Variants in PKHD1 observed in about 807,000 individuals in gnomAD.
The protein encoded by PKHD1 is fibrocystin.
In PKHD1, 291 loss-of-function variants were observed where a neutral mutation model predicts 412.0. The observed-to-expected ratio is 0.71, with a 90% CI of 0.64 to 0.78. The LOEUF (loss-of-function observed/expected upper bound fraction) is 0.78, where lower values mean the gene tolerates loss of function less well. PKHD1 is among the 30% of genes least tolerant of loss of function. PKHD1 has a pLI of 0.00. For synonymous variants in PKHD1, 1,777 were observed against 1,821.5 expected (o/e 0.98, Z 0.62); for missense variants, 4,825 against 4,950.7 (o/e 0.97, Z 0.76).
intron 52 of PKHD1, among the ~76,000 whole-genome samples, chr6:51,801,654 T>TGTGTGTGTGTGTGTGTGTGAGTGAGA (rs751203950): frequency 8.8e-6 from 1 of 114,210 alleles, no homozygotes; most frequent in African/African-American, 3.8e-5. Context: ...TGTGTGTGTG[T>TGTGTGTGTGTGTGTGTGTGAGTGAGA]GAGAGAGAGA....
At chr6:51,831,966 T>C (rs1314968929) in intron 51 of PKHD1, among the ~76,000 whole-genome samples, 1 of 152,034 alleles carries the variant, frequency 6.6e-6, no homozygotes, top group Non-Finnish European at 1.5e-5. Flanking sequence ...GGAAGAGAGA[T>C]TGTCTCAAAA....
intron 60 of PKHD1, among the ~76,000 whole-genome samples, chr6:51,665,158 C>T (rs182377459): frequency 9.2e-5 from 14 of 151,850 alleles, no homozygotes; most frequent in East Asian, 1.9e-4. Flanking sequence ...GGAAAAATAC[C>T]GTACAAAAAA....
intron 60 of PKHD1, among the ~76,000 whole-genome samples, chr6:51,688,094 G>C (rs1349794205): frequency 6.6e-6 from 1 of 152,228 alleles, no homozygotes; most frequent in African/African-American, 2.4e-5. Context: ...GCAGTAGGCT[G>C]CTAGAATTTG....
At chr6:51,641,719 A>C (rs1334594249) in intron 63 of PKHD1, among the ~76,000 whole-genome samples, 1 of 152,240 alleles carries the variant, frequency 6.6e-6, no homozygotes, top group African/African-American at 2.4e-5. Context: ...GCCATAAAAA[A>C]GAATTAGTTA....
intron 43 of PKHD1, among the ~76,000 whole-genome samples, chr6:51,897,280 T>A (rs1175392141): frequency 6.6e-6 from 1 of 151,540 alleles, no homozygotes. Flanking sequence ...CGGGTTACCC[T>A]CAAAGGGAAG....
intron 21 of PKHD1, among the ~76,000 whole-genome samples, chr6:52,052,794 A>T (rs1051094508): frequency 6.6e-6 from 1 of 152,204 alleles, no homozygotes; most frequent in African/African-American, 2.4e-5. Flanking sequence ...CATTTTACAG[A>T]TGAAGAAACC....
chr6:51,813,954 A>C (rs1361764190), intron 52 of PKHD1, among the ~76,000 whole-genome samples: 1 of 152,058 alleles, frequency 6.6e-6, no homozygotes, highest in African/African-American at 2.4e-5. Flanking sequence ...TTTGGAGGGA[A>C]AAAAAAAGTC....
chr6:51,966,692 G>A (rs1583605457), intron 35 of PKHD1, among the ~76,000 whole-genome samples: 1 of 152,220 alleles, frequency 6.6e-6, no homozygotes, highest in East Asian at 1.9e-4. Flanking sequence ...TTCAACAAAT[G>A]TTTATTGAGC....
chr6:51,820,166 G>A (rs2151447966), intron 52 of PKHD1, among the ~76,000 whole-genome samples: 1 of 138,052 alleles, frequency 7.2e-6, no homozygotes, highest in African/African-American at 2.6e-5. Flanking sequence ...ATATGATTTA[G>A]ATTCCCATAG....
intron 35 of PKHD1, among the ~76,000 whole-genome samples, chr6:51,965,903 G>A (rs540660812): frequency 2.0e-5 from 3 of 152,040 alleles, no homozygotes; most frequent in East Asian, 1.9e-4. Context: ...TTCTTTTATC[G>A]TTTCCTCTAT....
intron 60 of PKHD1, among the ~76,000 whole-genome samples, chr6:51,696,725 A>C (rs1778843258): frequency 6.6e-6 from 1 of 152,142 alleles, no homozygotes; most frequent in Non-Finnish European, 1.5e-5. Context: ...GGCCCTAGAG[A>C]ACTGTGCGTG....
intron 48 of PKHD1, 60 bp downstream of exon 48, chr6:51,867,803 A>G (rs1775318403): frequency 6.7e-7 from 1 of 1,494,600 alleles, no homozygotes. Context: ...AAGCCTCGAC[A>G]GCCAGAATAA....
chr6:51,701,202 C>T (rs1779362034), intron 60 of PKHD1, among the ~76,000 whole-genome samples: 1 of 151,992 alleles, frequency 6.6e-6, no homozygotes, highest in African/African-American at 2.4e-5. Context: ...TATATAGTTT[C>T]CTAATTTTGA....
chr6:51,722,437 C>A (rs1409433553), intron 60 of PKHD1, among the ~76,000 whole-genome samples: 3 of 152,152 alleles, frequency 2.0e-5, no homozygotes, highest in African/African-American at 7.2e-5. Context: ...GACTTGAATG[C>A]AAAGCCTGGC....
At chr6:51,821,272 CA>C (rs1449677313) in intron 52 of PKHD1, among the ~76,000 whole-genome samples, 1 of 152,146 alleles carries the variant, frequency 6.6e-6, no homozygotes, top group Non-Finnish European at 1.5e-5. Flanking sequence ...GGGGTTGGCA[CA>C]AACTTTAATG....
At chr6:51,664,191 G>C (rs2150444885) in intron 60 of PKHD1, among the ~76,000 whole-genome samples, 1 of 152,182 alleles carries the variant, frequency 6.6e-6, no homozygotes, top group Non-Finnish European at 1.5e-5. Context: ...AAGCCAGTCT[G>C]TCATAAAGGC....
rs886044700 is a variant in PKHD1 at position 52,069,512 on chromosome 6, C to T, written c.723G>A (p.Lys241=). The T allele has an allele frequency of 6.2e-7, 1 of 1,613,192 alleles. No homozygotes were observed. The part of the protein sequence containing the change: ...VFNKGKSMVH[K]KAWLISAKQD... ...GTTTAGCACTGATCAGCCATGCCTTCTTGTGGACCATTGACCTTCGAAAAA... is the reference window on the plus strand; with the variant it reads ...GTTTAGCACTGATCAGCCATGCCTTTTTGTGGACCATTGACCTTCGAAAAA... The change falls in exon 11 of 67, where the codon AAG becomes AAA. Residue 241 remains lysine, a synonymous_variant. Transcript: ENST00000371117.
chr6:51,897,623 A>T (rs1780326168), intron 43 of PKHD1, among the ~76,000 whole-genome samples: 1 of 146,000 alleles, frequency 6.8e-6, no homozygotes, highest in East Asian at 2.0e-4. Context: ...CAAAATCACC[A>T]GCTAACATCA....
At chr6:51,970,781 G>C (rs1460032180) in intron 35 of PKHD1, among the ~76,000 whole-genome samples, 1 of 152,010 alleles carries the variant, frequency 6.6e-6, no homozygotes, top group African/African-American at 2.4e-5. Context: ...TTTATTTCTG[G>C]GTTGTCCATT....
Sources: allele counts gnomAD v4.1 joint callset (sites outside exome capture counted in the v4.1 genomes callset), GRCh38; gene constraint gnomAD v4.1.1; transcripts MANE v1.5; gene names NCBI Gene and HGNC (gene_info 2026-07-23, HGNC 2026-07-21).